KCNAB1: variants seen among roughly 807,000 people sequenced by gnomAD.
KCNAB1 encodes the protein voltage-gated potassium channel subunit beta-1.
Under a neutral mutation model 64.6 loss-of-function variants are expected in KCNAB1, and 35 were observed. The observed-to-expected ratio is 0.54, with a 90% CI of 0.41 to 0.72. The LOEUF (loss-of-function observed/expected upper bound fraction) is 0.72. KCNAB1 is among the 30% of genes least tolerant of loss of function. The probability of loss-of-function intolerance (pLI) is 0.00; values close to 1 mark genes in which losing one functional copy is unlikely to be tolerated. For synonymous variants in KCNAB1, 177 were observed against 183.8 expected (o/e 0.96, Z 0.30); for missense variants, 401 against 512.9 (o/e 0.78, Z 2.11).
chr3:156,218,414 G>A (rs868736266), intron 1 of KCNAB1, among the ~76,000 whole-genome samples: 2 of 152,132 alleles, frequency 1.3e-5, no homozygotes, highest in Admixed American at 6.5e-5. Context: ...TACCTGCCCT[G>A]GCAGCTGAAG....
intron 8 of KCNAB1, among the ~76,000 whole-genome samples, chr3:156,477,121 A>G (rs1485632269): frequency 6.6e-6 from 1 of 152,208 alleles, no homozygotes; most frequent in Admixed American, 6.5e-5. Flanking sequence ...GATACCAACA[A>G]GATAATGATG....
chr3:156,234,103 T>C (rs1367773247), intron 1 of KCNAB1, among the ~76,000 whole-genome samples: 4 of 151,726 alleles, frequency 2.6e-5, no homozygotes, highest in Admixed American at 1.3e-4. Context: ...AGAGTGAGCG[T>C]GGACACAGAA....
intron 1 of KCNAB1, among the ~76,000 whole-genome samples, chr3:156,386,650 G>C (rs1712617201): frequency 6.6e-6 from 1 of 152,042 alleles, no homozygotes; most frequent in South Asian, 2.1e-4. Context: ...GCTCATGCCT[G>C]TCTAACTACC....
chr3:156,439,719 G>A (rs533149676), intron 2 of KCNAB1, among the ~76,000 whole-genome samples: 9 of 152,328 alleles, frequency 5.9e-5, no homozygotes, highest in Non-Finnish European at 1.2e-4. Context: ...TGCTCTCCAG[G>A]AGTGCCCTCT....
chr3:156,252,003 G>A (rs946082687), intron 1 of KCNAB1, among the ~76,000 whole-genome samples: 3 of 152,258 alleles, frequency 2.0e-5, no homozygotes, highest in Admixed American at 1.3e-4. Context: ...CTCTGTTCTC[G>A]CCCAGTCTGG....
At chr3:156,388,122 G>A (rs1370824320) in intron 1 of KCNAB1, among the ~76,000 whole-genome samples, 1 of 152,172 alleles carries the variant, frequency 6.6e-6, no homozygotes, top group Non-Finnish European at 1.5e-5. Flanking sequence ...GACCAAGGGA[G>A]GCATCACGGA....
intron 1 of KCNAB1, among the ~76,000 whole-genome samples, chr3:156,238,045 C>T (rs1409932712): frequency 6.6e-6 from 1 of 152,108 alleles, no homozygotes; most frequent in Non-Finnish European, 1.5e-5. Context: ...AGACCGTTGG[C>T]CTGGGAGGGT....
chr3:156,239,112 A>G (rs1717022842), intron 1 of KCNAB1, among the ~76,000 whole-genome samples: 1 of 152,200 alleles, frequency 6.6e-6, no homozygotes, highest in Non-Finnish European at 1.5e-5. Flanking sequence ...TAATATTCAG[A>G]TCTCTCTTGA....
chr3:156,417,829 C>T (rs1715185016), intron 1 of KCNAB1, among the ~76,000 whole-genome samples: 1 of 152,142 alleles, frequency 6.6e-6, no homozygotes, highest in Non-Finnish European at 1.5e-5. Context: ...GCCATGTATT[C>T]ACCGAGTGGA....
chr3:156,267,523 A>G (rs1449134403), intron 1 of KCNAB1, among the ~76,000 whole-genome samples: 1 of 152,212 alleles, frequency 6.6e-6, no homozygotes. Flanking sequence ...GCTGTCCTCA[A>G]CAAGTCCAAG....
At chr3:156,268,442 C>A (rs1157110025) in intron 1 of KCNAB1, among the ~76,000 whole-genome samples, 1 of 152,096 alleles carries the variant, frequency 6.6e-6, no homozygotes, top group Non-Finnish European at 1.5e-5. Flanking sequence ...TTTGAGAAAC[C>A]TTCAAATTAT....
At chr3:156,306,328 T>G (rs552994497) in intron 1 of KCNAB1, among the ~76,000 whole-genome samples, 19 of 152,124 alleles carry the variant, frequency 1.2e-4, no homozygotes, top group Non-Finnish European at 2.6e-4. Flanking sequence ...CAGGGCCACT[T>G]GAAATCCCAA....
At chr3:156,384,641 G>C (rs1242987419) in intron 1 of KCNAB1, among the ~76,000 whole-genome samples, 2 of 152,178 alleles carry the variant, frequency 1.3e-5, no homozygotes, top group Non-Finnish European at 1.5e-5. Context: ...TGGTTCATGT[G>C]GTAGGCAGTC....
At chr3:156,520,164 G>A (rs1036108779) in intron 11 of KCNAB1, among the ~76,000 whole-genome samples, 1 of 152,176 alleles carries the variant, frequency 6.6e-6, no homozygotes, top group Admixed American at 6.5e-5. Context: ...AAATTAATTT[G>A]ATGAGCCATA....
chr3:156,228,556 C>T (rs1404602040), intron 1 of KCNAB1, among the ~76,000 whole-genome samples: 1 of 152,198 alleles, frequency 6.6e-6, no homozygotes, highest in Non-Finnish European at 1.5e-5. Context: ...TCATGTTCCA[C>T]TAGAGACCGC....
intron 1 of KCNAB1, among the ~76,000 whole-genome samples, chr3:156,158,117 A>G (rs13077891): frequency 0.09 from 13,520 of 149,480 alleles, 866 homozygotes; most frequent in Non-Finnish European, 0.13. Flanking sequence ...GTGAGGAGAG[A>G]TAGCGCCACT....
chr3:156,221,587 G>C (rs1008347859), intron 1 of KCNAB1, among the ~76,000 whole-genome samples: 1 of 152,104 alleles, frequency 6.6e-6, no homozygotes, highest in African/African-American at 2.4e-5. Context: ...AGACCAGCCT[G>C]GTCAACATGG....
chr3:156,481,906 G>A (rs774547999), intron 8 of KCNAB1, among the ~76,000 whole-genome samples: 13 of 152,178 alleles, frequency 8.5e-5, no homozygotes, highest in South Asian at 2.1e-4. Flanking sequence ...GCAAACAAAC[G>A]TAAGCTCCAT....
intron 1 of KCNAB1, among the ~76,000 whole-genome samples, chr3:156,209,921 T>C (rs966837372): frequency 6.6e-6 from 1 of 152,226 alleles, no homozygotes; most frequent in African/African-American, 2.4e-5. Flanking sequence ...TGCACTTGCA[T>C]TCCGCATTAG....
Sources: gnomAD v4.1 joint callset for allele counts (sites outside exome capture counted in the v4.1 genomes callset) on GRCh38, gnomAD v4.1.1 for gene constraint, MANE v1.5 for transcripts, NCBI Gene and HGNC (gene_info 2026-07-23, HGNC 2026-07-21) for gene names.